TMEM230: variants seen among roughly 807,000 people sequenced by gnomAD.
The protein encoded by TMEM230 is transmembrane protein 230, also known as UPF0414 transmembrane protein C20orf30.
In TMEM230, 10 loss-of-function variants were observed where a neutral mutation model predicts 15.8. The ratio of observed to expected loss-of-function variants is 0.63; its 90% confidence interval spans 0.39 to 1.07. The LOEUF is 1.07. TMEM230 is among the 50% of genes least tolerant of loss of function. The pLI, the probability that TMEM230 is intolerant of heterozygous loss-of-function variation, is 0.01. For synonymous variants in TMEM230, 67 were observed against 76.9 expected (o/e 0.87, Z 0.68); for missense variants, 165 against 193.3 (o/e 0.85, Z 0.87).
rs1568498318 is a variant in TMEM230, at chr20:5,100,861, C to T, written c.482G>A (p.Arg161His). 5.0e-6 allele frequency: 8 copies of T among 1,614,116 alleles called. No homozygotes were observed. Among genetic ancestry groups the T allele is most frequent in the South Asian group, 2.2e-5 (2 of 91,080 alleles). The change falls in exon 5 of 5, where the codon CGC becomes CAC. Residue 161 changes from arginine to histidine, a missense_variant. Physicochemically the swap from Arg to His is conservative, Grantham distance 29. Coordinates refer to ENST00000342308, the MANE Select transcript of TMEM230 (RefSeq NM_001009923.2). ...GCCTTTGGATGCATAGTAAGCGATG[C>T]GCAGGTGGTAAAATCCGGGTAGGAA...
chr20:5,081,595 GAC>G, intron 3 of TMEM230, among the ~76,000 whole-genome samples: 1 of 152,324 alleles, frequency 6.6e-6, no homozygotes, highest in Middle Eastern at 3.4e-3. Context: ...GGAGCTAAGA[GAC>G]ACAGATCAGA....
intron 3 of TMEM230, among the ~76,000 whole-genome samples, chr20:5,070,417 A>G (rs1229148048): frequency 6.6e-6 from 1 of 152,164 alleles, no homozygotes; most frequent in Non-Finnish European, 1.5e-5. Context: ...AAGACACAAA[A>G]ATCAATTGTC....
intron 3 of TMEM230, among the ~76,000 whole-genome samples, chr20:5,093,372 T>G (rs767587476): frequency 3.5e-5 from 5 of 143,474 alleles, no homozygotes; most frequent in African/African-American, 1.0e-4. Context: ...CTCAGCCTCC[T>G]GAGTAACTGG....
At chr20:5,098,070 C>T (rs185555625), downstream of TMEM230, among the ~76,000 whole-genome samples, 3 of 148,794 alleles carry the variant, frequency 2.0e-5, no homozygotes, top group East Asian at 4.0e-4. Context: ...CTTAGCCTGC[C>T]GGGTTCAAGC....
At chr20:5,063,557 G>C (rs1460092736), downstream of TMEM230, among the ~76,000 whole-genome samples, 1 of 152,030 alleles carries the variant, frequency 6.6e-6, no homozygotes, top group Non-Finnish European at 1.5e-5. Flanking sequence ...CCAGAGTGCT[G>C]GGATTAGAGG....
intron 3 of TMEM230, among the ~76,000 whole-genome samples, chr20:5,072,180 AG>A (rs1431445391): frequency 1.3e-5 from 2 of 152,120 alleles, no homozygotes; most frequent in African/African-American, 4.8e-5. Context: ...CCGGCTGAGT[AG>A]CCAGGACTAT....
At chr20:5,106,119 A>ACACG (rs1398662878) in intron 4 of TMEM230, 69 bp downstream of exon 3, 27 of 1,534,818 alleles carry the variant, frequency 1.8e-5, no homozygotes, top group East Asian at 2.3e-5. Context: ...ACACACACAC[A>ACACG]CGCACACTAG....
intron 3 of TMEM230, among the ~76,000 whole-genome samples, chr20:5,088,340 CAATT>C (rs1000574094): frequency 2.7e-5 from 4 of 146,106 alleles, no homozygotes; most frequent in Non-Finnish European, 6.0e-5. Flanking sequence ...GTTTCAAACA[CAATT>C]AATTCAAACC....
At chr20:5,071,866 A>G (rs1600267994) in intron 3 of TMEM230, among the ~76,000 whole-genome samples, 1 of 151,292 alleles carries the variant, frequency 6.6e-6, no homozygotes, top group South Asian at 2.1e-4. Context: ...TCAGCCTCCA[A>G]GTAGCTGCGA....
At chr20:5,077,781 C>G (rs2089049772) in intron 3 of TMEM230, among the ~76,000 whole-genome samples, 1 of 151,756 alleles carries the variant, frequency 6.6e-6, no homozygotes, top group South Asian at 2.1e-4. Flanking sequence ...TTGCAGTGAG[C>G]TGAGATTGCA....
chr20:5,106,272 G>A lies in TMEM230; in HGVS notation c.327C>T (p.Ile109=), dbSNP rs147693982. ...TCAAAAACAGCACAGTGGCAAGTGC[G>A]ATGGCCTTATAAGGGATCTTAGGAG... Residue 109 remains isoleucine (I), a synonymous_variant, in exon 4 of 5, where the codon ATC becomes ATT. Coordinates refer to ENST00000342308, the MANE Select transcript of TMEM230 (RefSeq NM_001009923.2). 0.015 allele frequency: 23,755 copies of A among 1,613,926 alleles called. 223 individuals carry two copies. The highest frequency in any genetic ancestry group is 0.019 in the Non-Finnish European group (22,124 of 1,179,922).
intron 3 of TMEM230, among the ~76,000 whole-genome samples, chr20:5,081,345 G>A (rs1015796596): frequency 2.6e-5 from 4 of 152,220 alleles, no homozygotes; most frequent in South Asian, 2.1e-4. Context: ...GGAATCGGAA[G>A]GGACCCATGC....
chr20:5,059,655 G>GCT, the TMEM230 span, among the ~76,000 whole-genome samples: 1 of 151,072 alleles, frequency 6.6e-6, no homozygotes, highest in Non-Finnish European at 1.5e-5. Context: ...TGTTGCCCAG[G>GCT]CTGGAGTGCA....
chr20:5,067,603 C>G (rs2088691255), downstream of TMEM230, among the ~76,000 whole-genome samples: 1 of 150,360 alleles, frequency 6.7e-6, no homozygotes, highest in Admixed American at 6.6e-5. Flanking sequence ...GCCACCACAC[C>G]CGGCTAATTT....
downstream of TMEM230, among the ~76,000 whole-genome samples, chr20:5,096,255 A>C (rs927833681): frequency 6.6e-6 from 1 of 152,178 alleles, no homozygotes. Flanking sequence ...GATCCTCTTT[A>C]CTTTCTCAAA....
downstream of TMEM230, among the ~76,000 whole-genome samples, chr20:5,095,438 C>T (rs185643774): frequency 3.4e-3 from 513 of 152,292 alleles, 1 homozygote; most frequent in Non-Finnish European, 5.6e-3. Context: ...ACTCCTGTCT[C>T]GATTTCTCAC....
chr20:5,067,039 G>C (rs918788851), downstream of TMEM230, among the ~76,000 whole-genome samples: 13 of 152,172 alleles, frequency 8.5e-5, no homozygotes, highest in South Asian at 2.1e-4. Context: ...ACTCCAAGTA[G>C]TGGAGAAGTG....
intron 3 of TMEM230, among the ~76,000 whole-genome samples, chr20:5,094,704 C>CAAAAAAAAAA (rs774664710): frequency 3.2e-5 from 2 of 61,594 alleles, no homozygotes; most frequent in East Asian, 5.6e-4. Context: ...GACTCCATCT[C>CAAAAAAAAAA]AAAAAAAAAA....
At chr20:5,088,956 A>C (rs1281660207) in intron 3 of TMEM230, among the ~76,000 whole-genome samples, 1 of 152,216 alleles carries the variant, frequency 6.6e-6, no homozygotes, top group Admixed American at 6.5e-5. Flanking sequence ...GATCACTCTG[A>C]CTGCTGTGCT....
Sources: allele counts gnomAD v4.1 joint callset (sites outside exome capture counted in the v4.1 genomes callset), GRCh38; gene constraint gnomAD v4.1.1; transcripts MANE v1.5; gene names NCBI Gene and HGNC (gene_info 2026-07-23, HGNC 2026-07-21).